ZIM2: variants seen among roughly 807,000 people sequenced by gnomAD.
The protein encoded by ZIM2 is zinc finger imprinted 2.
A neutral mutation model predicts 38.6 loss-of-function variants in ZIM2; 14 were observed. The observed-to-expected ratio is 0.36, with a 90% CI of 0.24 to 0.57. The LOEUF (loss-of-function observed/expected upper bound fraction) is 0.57. Among genes scored for constraint, ZIM2 ranks in the 20% least tolerant of loss-of-function variants. ZIM2 has a pLI of 0.81. For missense variants in ZIM2, 680 were observed against 695.1 expected (o/e 0.98, Z 0.24); for synonymous variants, 247 against 245.8 (o/e 1.00, Z -0.04).
chr19:56,816,670 T>G (rs778341455), intron 9 of ZIM2: 2 of 1,614,082 alleles, frequency 1.2e-6, no homozygotes, highest in Admixed American at 3.3e-5. Context: ...ACGCTCATTA[T>G]CTTTGTCATC....
intron 1 of ZIM2, among the ~76,000 whole-genome samples, 183 bp from the exon 2 acceptor site, chr19:56,836,287 C>T (rs2062092770): frequency 6.6e-6 from 1 of 152,158 alleles, no homozygotes; most frequent in Non-Finnish European, 1.5e-5. Context: ...GACCACCTCA[C>T]ACCCTGGGAT....
intron 9 of ZIM2, chr19:56,813,577 A>C (rs2059689795): frequency 3.4e-6 from 5 of 1,475,736 alleles, no homozygotes; most frequent in South Asian, 1.4e-5. Flanking sequence ...ACTAAGGTTA[A>C]GTCTCCTACT....
intron 9 of ZIM2, among the ~76,000 whole-genome samples, chr19:56,807,790 C>CAAA (rs34097958): frequency 0.019 from 2,613 of 138,864 alleles, 31 homozygotes; most frequent in Non-Finnish European, 0.029. Flanking sequence ...GACCTTGTCT[C>CAAA]AAAAAAAAAA....
chr19:56,826,688 C>T (rs1000892475), intron 2 of ZIM2, among the ~76,000 whole-genome samples: 1 of 152,038 alleles, frequency 6.6e-6, no homozygotes, highest in African/African-American at 2.4e-5. Context: ...AAGTCAAAAA[C>T]GCAAGACAAA....
chr19:56,821,810 C>G, intron 6 of ZIM2, 56 bp from the exon 7 acceptor site: 1 of 1,595,146 alleles, frequency 6.3e-7, no homozygotes, highest in Non-Finnish European at 8.6e-7. Context: ...CTGCAGGTCC[C>G]AGGTTTGTCC....
At chr19:56,831,048 G>A (rs1194443964) in intron 2 of ZIM2, among the ~76,000 whole-genome samples, 1 of 152,164 alleles carries the variant, frequency 6.6e-6, no homozygotes, top group Non-Finnish European at 1.5e-5. Context: ...TTTATTTTGA[G>A]GTGGGGAGTT....
At chr19:56,839,192 A>G (rs2062627900) in intron 1 of ZIM2, among the ~76,000 whole-genome samples, 1 of 152,052 alleles carries the variant, frequency 6.6e-6, no homozygotes, top group Admixed American at 6.5e-5. Flanking sequence ...CTGTCACTTC[A>G]GCCTTGCCCC....
Position 56,823,693 on chromosome 19 carries a change from G to A in ZIM2, c.17-14C>T, listed in dbSNP as rs141353694. The A allele has an allele frequency of 1.5e-5, 24 of 1,613,958 alleles. No individual in the cohort carries two copies. Among genetic ancestry groups the A allele is most frequent in the Middle Eastern group, 3.3e-4 (2 of 6,062 alleles). ...TGTTGTTGTCGTCTAAGAGGACACC[G>A]GTCGCCAAGTTACTATCTCTGGCCC... On this transcript the variant is annotated splice_polypyrimidine_tract_variant and intron_variant, in intron 4 of 12. Coordinates refer to ENST00000629319, the MANE Select transcript of ZIM2 (RefSeq NM_001387356.1).
intron 9 of ZIM2, among the ~76,000 whole-genome samples, chr19:56,796,644 G>C (rs1228196529): frequency 6.6e-6 from 1 of 152,200 alleles, no homozygotes; most frequent in Non-Finnish European, 1.5e-5. Context: ...CTTGCTCAGT[G>C]AGTCCACTAA....
In ZIM2 at chr19:56,814,171, C is replaced by A; in HGVS notation, c.490+3575G>T. ...GGGCTCTGCAGCCTCTCCATCTGGCCCTTCAGCCTCTCCGTTTGGCTCAGC... is the reference window on the plus strand; with the variant it reads ...GGGCTCTGCAGCCTCTCCATCTGGCACTTCAGCCTCTCCGTTTGGCTCAGC... On this transcript the variant is annotated intron_variant, in intron 9 of 12. Transcript: ENST00000629319. This position sits in a 1 kb window ranked among gnomAD's most constrained non-coding sequence, Gnocchi z 5.8. 1 of 1,613,542 alleles carries A rather than the reference C, an allele frequency of 6.2e-7. No homozygotes were observed. Among genetic ancestry groups the A allele is most frequent in the Non-Finnish European group, 8.5e-7 (1 of 1,179,884 alleles).
At chr19:56,786,683 T>A (rs1437177636) in intron 10 of ZIM2, among the ~76,000 whole-genome samples, 1 of 152,172 alleles carries the variant, frequency 6.6e-6, no homozygotes, top group African/African-American at 2.4e-5. Flanking sequence ...CCAGTTAAAT[T>A]TGAATTTCAC....
At chr19:56,808,499 C>T (rs969710324) in intron 9 of ZIM2, among the ~76,000 whole-genome samples, 7 of 152,082 alleles carry the variant, frequency 4.6e-5, no homozygotes, top group Admixed American at 2.6e-4. Flanking sequence ...CAAAACTGCC[C>T]TTTCTGTGGT....
At chr19:56,778,845 G>C (rs2046166194) in intron 12 of ZIM2, among the ~76,000 whole-genome samples, 1 of 152,172 alleles carries the variant, frequency 6.6e-6, no homozygotes, top group African/African-American at 2.4e-5. Context: ...GAGTTTGGAG[G>C]AGGTGAAGTC....
intron 7 of ZIM2, 112 bp downstream of exon 7, chr19:56,821,539 T>A: frequency 8.3e-6 from 11 of 1,323,334 alleles, no homozygotes; most frequent in Non-Finnish European, 1.1e-5. Flanking sequence ...GCTGGGACTC[T>A]CACCCCAGCT....
intron 9 of ZIM2, among the ~76,000 whole-genome samples, chr19:56,807,239 T>C (rs763272613): frequency 4.6e-5 from 7 of 152,176 alleles, no homozygotes; most frequent in Non-Finnish European, 1.0e-4. Context: ...AAAATTGACT[T>C]CTTTCCCAGT....
At chr19:56,787,811 T>A (rs890464646) in intron 10 of ZIM2, among the ~76,000 whole-genome samples, 162 of 151,528 alleles carry the variant, frequency 1.1e-3, no homozygotes, top group African/African-American at 1.8e-3. Context: ...CCTGGTTTAG[T>A]CTTGGGAGGG....
rs115747121 is a variant in ZIM2 at position 56,826,826 on chromosome 19, G to A, written c.-226-363C>T. On this transcript the variant is annotated intron_variant, in intron 2 of 12. Transcript: ENST00000629319. ...ATAAGACAAGAAAAACACATCTGAG[G>A]CACAGAGAGATAAAACTAACATTCC... 4.7e-3 allele frequency among the ~76,000 whole-genome samples: 709 copies of A among 152,138 alleles called. 10 individuals carry two copies. Among genetic ancestry groups the A allele is most frequent in the African/African-American group, 0.017 (687 of 41,516 alleles).
In ZIM2 at chr19:56,774,737, T is replaced by A; in HGVS notation, c.1628A>T (p.His543Leu). The change falls in exon 13 of 13, where the codon CAT becomes CTT. Residue 543 changes from histidine to leucine, a missense_variant. His to Leu is a moderately conservative substitution (Grantham distance 99). Transcript: ENST00000629319. ...CFGRPSYLTQ[H>L]YQLHSQEKTV... is the part of the protein sequence containing the mutation. The stretch of plus-strand genomic sequence containing the variant: ...TTTCTCTTGAGAATGGAGTTGATAA[T>A]GTTGAGTGAGGTATGAGGGTCGGCC... 6.2e-7 allele frequency: 1 copy of A among 1,614,126 alleles called. No individual in the cohort carries two copies. The highest frequency in any genetic ancestry group is 8.5e-7 in the Non-Finnish European group (1 of 1,180,024).
At chr19:56,779,552 A>G (rs981453589) in intron 11 of ZIM2, 80 bp from the exon 12 acceptor site, 2 of 1,369,754 alleles carry the variant, frequency 1.5e-6, no homozygotes, top group Non-Finnish European at 1.0e-6. Context: ...ATAATAAGGA[A>G]GGAACAAACT....
Sources: allele counts gnomAD v4.1 joint callset (sites outside exome capture counted in the v4.1 genomes callset), GRCh38; gene constraint gnomAD v4.1.1; non-coding constraint Gnocchi (gnomAD v3.1); transcripts MANE v1.5; gene names NCBI Gene and HGNC (gene_info 2026-07-23, HGNC 2026-07-21).